MGST1: variants seen among roughly 807,000 people sequenced by gnomAD.
The protein encoded by MGST1 is microsomal glutathione S-transferase 1.
A neutral mutation model predicts 8.9 loss-of-function variants in MGST1; 5 were observed. That is an observed-to-expected ratio of 0.56 (90% CI 0.29 to 1.19). The LOEUF (loss-of-function observed/expected upper bound fraction) is 1.19, where lower values mean the gene tolerates loss of function less well. Among genes scored for constraint, MGST1 ranks in the 50% most tolerant of loss-of-function variants. The probability of loss-of-function intolerance (pLI) is 0.08; values close to 1 mark genes in which losing one functional copy is unlikely to be tolerated. For missense variants in MGST1, 182 were observed against 187.4 expected (o/e 0.97, Z 0.17); for synonymous variants, 54 against 67.8 (o/e 0.80, Z 1.00).
intron 1 of MGST1, among the ~76,000 whole-genome samples, chr12:16,384,380 A>C (rs1017254084): frequency 2.0e-5 from 3 of 152,188 alleles, no homozygotes; most frequent in Non-Finnish European, 4.4e-5. Flanking sequence ...CCAATGGCAA[A>C]TAATTAGAAG....
chr12:16,515,321 A>G (rs1422088367), intron 4 of MGST1, among the ~76,000 whole-genome samples: 1 of 152,174 alleles, frequency 6.6e-6, no homozygotes, highest in Non-Finnish European at 1.5e-5. Flanking sequence ...ATTCTACCGC[A>G]TGATTGACCA....
chr12:16,365,732 C>T (rs1024835), downstream of MGST1, among the ~76,000 whole-genome samples: 12,384 of 125,404 alleles, frequency 0.099, 597 homozygotes, highest in East Asian at 0.34. Context: ...TGAACATGCA[C>T]GCGTGCACGC....
intron 4 of MGST1, among the ~76,000 whole-genome samples, chr12:16,577,583 C>T (rs188776045): frequency 2.3e-4 from 35 of 152,156 alleles, no homozygotes; most frequent in Middle Eastern, 6.8e-3. Flanking sequence ...TAAGAATTTC[C>T]CCTGTTCACA....
rs1591745317 is a variant in MGST1, at chr12:16,497,715, T to G, written n.483-91813T>G. ...CTGCTTCCTTACCTATAACCATTTTTCACCTGTTAATCGTTCTGGTTGTAG... is the reference window on the plus strand; with the variant it reads ...CTGCTTCCTTACCTATAACCATTTTGCACCTGTTAATCGTTCTGGTTGTAG... On this transcript the variant is annotated intron_variant and non_coding_transcript_variant, in intron 4 of 4. Coordinates refer to the MGST1 transcript ENST00000538857. This position sits in a 1 kb window ranked among gnomAD's most constrained non-coding sequence, Gnocchi z 4.4. Among the ~76,000 whole-genome samples, 1 of 152,272 alleles carries G rather than the reference T, an allele frequency of 6.6e-6. No homozygotes were observed. The highest frequency in any genetic ancestry group is 1.9e-4 in the East Asian group (1 of 5,178).
At chr12:16,356,509 C>G (rs1274051917) in intron 2 of MGST1, among the ~76,000 whole-genome samples, 2 of 151,834 alleles carry the variant, frequency 1.3e-5, no homozygotes, top group Non-Finnish European at 2.9e-5. Flanking sequence ...ATCTTTATCT[C>G]TAATATAATG....
chr12:16,429,662 T>C (rs541602664), intron 1 of MGST1, among the ~76,000 whole-genome samples: 3 of 152,304 alleles, frequency 2.0e-5, no homozygotes, highest in South Asian at 4.1e-4. Context: ...TGCAGCCCAT[T>C]AAGTATGCAA....
At chr12:16,432,435 A>C (rs555582198) in intron 1 of MGST1, among the ~76,000 whole-genome samples, 1 of 151,854 alleles carries the variant, frequency 6.6e-6, no homozygotes, top group South Asian at 2.1e-4. Context: ...AGTGGGTGAA[A>C]ATTTGTCTAC....
intron 1 of MGST1, among the ~76,000 whole-genome samples, chr12:16,436,466 G>A (rs557664505): frequency 6.6e-6 from 1 of 151,732 alleles, no homozygotes; most frequent in African/African-American, 2.4e-5. Flanking sequence ...CATTGCATAC[G>A]TCTTTCTCTT....
chr12:16,501,937 T>C, intron 4 of MGST1, among the ~76,000 whole-genome samples: 2 of 152,242 alleles, frequency 1.3e-5, no homozygotes, highest in Middle Eastern at 3.4e-3. Flanking sequence ...TCTAAATTAT[T>C]CTAGGTTGTG....
At chr12:16,404,438 C>A (rs1054894226) in intron 1 of MGST1, among the ~76,000 whole-genome samples, 1 of 151,846 alleles carries the variant, frequency 6.6e-6, no homozygotes, top group African/African-American at 2.4e-5. Context: ...TTTAATGTAA[C>A]TGCTGATATA....
intron 4 of MGST1, among the ~76,000 whole-genome samples, chr12:16,516,134 C>T (rs1157799358): frequency 6.6e-6 from 1 of 152,168 alleles, no homozygotes; most frequent in Non-Finnish European, 1.5e-5. Flanking sequence ...CCCATGCTGA[C>T]TCAATCAGTT....
At chr12:16,386,154 C>T (rs899286099) in intron 1 of MGST1, among the ~76,000 whole-genome samples, 1 of 152,252 alleles carries the variant, frequency 6.6e-6, no homozygotes, top group Non-Finnish European at 1.5e-5. Context: ...ATAAACCAGT[C>T]CAAAGTATCC....
intron 3 of MGST1, among the ~76,000 whole-genome samples, chr12:16,360,789 C>A (rs535638344): frequency 1.3e-5 from 2 of 152,282 alleles, no homozygotes; most frequent in South Asian, 2.1e-4. Context: ...CTAAGTGACA[C>A]TTGCTGGGGA....
intron 1 of MGST1, among the ~76,000 whole-genome samples, chr12:16,384,005 G>A (rs1940481474): frequency 1.3e-5 from 2 of 152,176 alleles, no homozygotes; most frequent in Admixed American, 6.5e-5. Flanking sequence ...TATTCAAGAA[G>A]CCCACAAATA....
intron 1 of MGST1, among the ~76,000 whole-genome samples, chr12:16,388,578 G>A (rs1940524645): frequency 6.6e-6 from 1 of 152,178 alleles, no homozygotes; most frequent in South Asian, 2.1e-4. Context: ...GGTGTCTACT[G>A]TATTCCCTGT....
chr12:16,348,053 T>C (rs1222904339), intron 1 of MGST1, among the ~76,000 whole-genome samples: 1 of 151,280 alleles, frequency 6.6e-6, no homozygotes, highest in African/African-American at 2.5e-5. Flanking sequence ...GCACGTGTAG[T>C]AATGGAGGAA....
intron 1 of MGST1, among the ~76,000 whole-genome samples, chr12:16,426,737 G>T (rs1940892537): frequency 6.6e-6 from 1 of 152,014 alleles, no homozygotes; most frequent in Non-Finnish European, 1.5e-5. Context: ...GGATCACAAG[G>T]TCAGGAGATT....
chr12:16,414,502 A>G (rs959534722), intron 1 of MGST1, among the ~76,000 whole-genome samples: 2 of 150,804 alleles, frequency 1.3e-5, no homozygotes, highest in Admixed American at 1.3e-4. Flanking sequence ...TGCAAGCTCC[A>G]TCTCCCGGGT....
chr12:16,560,324 A>C lies in MGST1; in HGVS notation n.483-29204A>C. On this transcript the variant is annotated intron_variant and non_coding_transcript_variant, in intron 4 of 4. Transcript: ENST00000538857. The surrounding 1 kb of genome is among the most constrained non-coding windows in gnomAD (Gnocchi z 5.0). ...AAAAACGCTGAGATTGATTGCTTTA[A>C]ATGTATGAATATAATTTCCACCTAT... The C allele has an allele frequency of 7.2e-7, 1 of 1,387,008 alleles. No homozygotes were observed. Among genetic ancestry groups the C allele is most frequent in the Non-Finnish European group, 9.8e-7 (1 of 1,017,192 alleles). 85.9% of individuals were successfully genotyped at this position (1,387,008 alleles called of 1,614,324 possible).
Sources: allele counts gnomAD v4.1 joint callset (sites outside exome capture counted in the v4.1 genomes callset), GRCh38; gene constraint gnomAD v4.1.1; non-coding constraint Gnocchi (gnomAD v3.1); transcripts MANE v1.5; gene names NCBI Gene and HGNC (gene_info 2026-07-23, HGNC 2026-07-21).